ENPP6: variants seen among roughly 807,000 people sequenced by gnomAD.
ENPP6 encodes glycerophosphocholine cholinephosphodiesterase ENPP6.
In ENPP6, 32 loss-of-function variants were observed where a neutral mutation model predicts 42.0. That is an observed-to-expected ratio of 0.76 (90% CI 0.58 to 1.02). The LOEUF (loss-of-function observed/expected upper bound fraction) is 1.02, where lower values mean the gene tolerates loss of function less well. Ranked by LOEUF, ENPP6 falls within the 50% of genes least tolerant of loss-of-function variation. ENPP6 has a pLI of 0.00. For missense variants in ENPP6, 552 were observed against 566.8 expected (o/e 0.97, Z 0.27); for synonymous variants, 213 against 216.0 (o/e 0.99, Z 0.12).
At chr4:184,117,437 A>G (rs1736338855) in intron 4 of ENPP6, among the ~76,000 whole-genome samples, 1 of 152,244 alleles carries the variant, frequency 6.6e-6, no homozygotes, top group Non-Finnish European at 1.5e-5. Flanking sequence ...GCAAAAGCGT[A>G]AGGTAGAATC....
intron 6 of ENPP6, among the ~76,000 whole-genome samples, chr4:184,105,015 G>A (rs1236160481): frequency 1.3e-5 from 2 of 152,146 alleles, no homozygotes; most frequent in Non-Finnish European, 2.9e-5. Context: ...GGACAGGGAG[G>A]GATTGGCACA....
In ENPP6 at chr4:184,153,632, G is replaced by GAGGCATTAGGCTGTCTTTGTT; in HGVS notation, c.322_342dup (p.Asn108_Pro114dup). The GAGGCATTAGGCTGTCTTTGTT allele has an allele frequency of 6.2e-7, 1 of 1,614,178 alleles. No individual in the cohort carries two copies. Among genetic ancestry groups the GAGGCATTAGGCTGTCTTTGTT allele is most frequent in the Non-Finnish European group, 8.5e-7 (1 of 1,180,036 alleles). On this transcript the variant is annotated inframe_insertion, in exon 2 of 8. Transcript: ENST00000296741. ...AGAGGTTCTGATCCATTCCACCAGA[G>GAGGCATTAGGCTGTCTTTGTT]AGGCATTAGGCTGTCTTTGTTGACG...
At chr4:184,133,161 TCACACACA>T (rs66979248) in intron 2 of ENPP6, among the ~76,000 whole-genome samples, 5 of 139,850 alleles carry the variant, frequency 3.6e-5, no homozygotes, top group African/African-American at 5.5e-5. Context: ...ACCTGTCAAT[TCACACACA>T]CACACACACA....
intron 5 of ENPP6, among the ~76,000 whole-genome samples, chr4:184,113,127 C>T (rs1039820741): frequency 3.9e-5 from 6 of 152,040 alleles, no homozygotes; most frequent in Non-Finnish European, 8.8e-5. Flanking sequence ...CCCAAATGCC[C>T]AGCAATAGTG....
intron 1 of ENPP6, among the ~76,000 whole-genome samples, chr4:184,167,629 T>C (rs1034852996): frequency 2.0e-5 from 3 of 152,174 alleles, no homozygotes; most frequent in African/African-American, 7.2e-5. Flanking sequence ...GGAAGCAAGC[T>C]CATTTTTGCT....
At chr4:184,131,218 T>C (rs867851474) in intron 2 of ENPP6, among the ~76,000 whole-genome samples, 5,971 of 69,878 alleles carry the variant, frequency 0.085, 509 homozygotes, top group Non-Finnish European at 0.1. Flanking sequence ...CTTTCTTTCT[T>C]TTTCTTTCTT....
rs1300326146 is a variant in ENPP6 at position 184,112,705 on chromosome 4, A to G, written c.960T>C (p.Thr320=). 6.2e-7 allele frequency: 1 copy of G among 1,614,040 alleles called. No individual in the cohort carries two copies. The highest frequency in any genetic ancestry group is 8.5e-7 in the Non-Finnish European group (1 of 1,180,032). Residue 320 remains threonine, a synonymous_variant, in exon 6 of 8, where the codon ACT becomes ACC. Coordinates refer to ENST00000296741, the MANE Select transcript of ENPP6 (RefSeq NM_153343.4). ...TGAACCAGCCTTCATCAGCCACTAA[A>G]GTCAAAGGAGAGACAAACTTTCCTT... is the stretch of plus-strand genomic sequence containing the variant. ...YKKGKFVSPL[T]LVADEGWFIT...
chr4:184,148,148 C>T (rs1271851955), intron 2 of ENPP6, among the ~76,000 whole-genome samples: 5 of 152,158 alleles, frequency 3.3e-5, no homozygotes, highest in Non-Finnish European at 7.4e-5. Context: ...ATCTCCTTCA[C>T]TGGATGGTAA....
At chr4:184,153,879 G>A (rs1253216999) in intron 1 of ENPP6, 146 bp from the exon 2 acceptor site, 4 of 929,302 alleles carry the variant, frequency 4.3e-6, no homozygotes, top group African/African-American at 4.3e-5. Context: ...AAAAAAATCA[G>A]ATTTTTTTTT....
chr4:184,197,521 C>A (rs1293782509), intron 1 of ENPP6, among the ~76,000 whole-genome samples: 1 of 152,190 alleles, frequency 6.6e-6, no homozygotes, highest in Non-Finnish European at 1.5e-5. Context: ...AGATGCTGGC[C>A]CCGGCTTGGA....
chr4:184,144,227 G>C (rs1166944972), intron 2 of ENPP6, among the ~76,000 whole-genome samples: 1 of 152,192 alleles, frequency 6.6e-6, no homozygotes, highest in Non-Finnish European at 1.5e-5. Flanking sequence ...TTTAATATGT[G>C]GGTACCTACC....
At chr4:184,172,932 G>A (rs1421592343) in intron 1 of ENPP6, among the ~76,000 whole-genome samples, 1 of 152,080 alleles carries the variant, frequency 6.6e-6, no homozygotes, top group African/African-American at 2.4e-5. Context: ...TGTTTTAATT[G>A]AGATGAAGTC....
chr4:184,169,928 A>G (rs1376549156), intron 1 of ENPP6, among the ~76,000 whole-genome samples: 1 of 152,250 alleles, frequency 6.6e-6, no homozygotes, highest in Non-Finnish European at 1.5e-5. Context: ...CCCACACTGG[A>G]ATATTTTTAA....
chr4:184,180,071 A>T (rs1302721544), intron 1 of ENPP6, among the ~76,000 whole-genome samples: 2 of 142,004 alleles, frequency 1.4e-5, no homozygotes, highest in East Asian at 4.3e-4. Flanking sequence ...CAAAAAATCA[A>T]CGAATCCAGG....
intron 1 of ENPP6, among the ~76,000 whole-genome samples, chr4:184,169,406 G>A (rs1411161899): frequency 6.6e-6 from 1 of 152,174 alleles, no homozygotes; most frequent in Admixed American, 6.5e-5. Context: ...AGCCAGGGCC[G>A]CGGGGAGGGC....
chr4:184,208,930 T>C (rs1579668461), intron 1 of ENPP6, among the ~76,000 whole-genome samples: 1 of 144,270 alleles, frequency 6.9e-6, no homozygotes, highest in African/African-American at 2.6e-5. Context: ...CCCTGACCCC[T>C]GACCCCCGAG....
Position 184,091,170 on chromosome 4 carries a change from T to C in ENPP6, c.*7A>G, listed in dbSNP as rs2111323717. The C allele has an allele frequency of 1.3e-6, 2 of 1,515,334 alleles. No homozygotes were observed. Among genetic ancestry groups the C allele is most frequent in the Non-Finnish European group, 1.8e-6 (2 of 1,131,730 alleles). 93.9% of individuals were successfully genotyped at this position (1,515,334 alleles called of 1,614,324 possible). A position where few individuals can be genotyped will look rare whatever the true frequency, so the allele number is the denominator to read the frequency against. ...GTGTTTTTTTCTGAGACAAGCAATA[T>C]GATCAGTTATGCAAGCAGGAAGAGA... On this transcript the variant is annotated 3_prime_UTR_variant, in exon 8 of 8. Coordinates refer to ENST00000296741, the MANE Select transcript of ENPP6 (RefSeq NM_153343.4).
In ENPP6 at chr4:184,091,186, C is replaced by G. The variant is rs530956580; in HGVS notation, c.1314G>C (p.Leu438=). The change falls in exon 8 of 8, where the codon CTG becomes CTC. Residue 438 remains leucine, a synonymous_variant. Transcript: ENST00000296741. ...CAAGCAATATGATCAGTTATGCAAG[C>G]AGGAAGAGAAGAATCAGTGCCAGGG... The part of the protein sequence containing the change: ...HCALALILLF[L]LA 3.2e-6 allele frequency: 5 copies of G among 1,555,160 alleles called. No homozygotes were observed. The African/African-American group carries it at 4.1e-5, about 13-fold the overall frequency.
At chr4:184,155,533 T>C (rs1049072119) in intron 1 of ENPP6, among the ~76,000 whole-genome samples, 3 of 152,184 alleles carry the variant, frequency 2.0e-5, no homozygotes, top group African/African-American at 7.2e-5. Context: ...GGAAGCATCA[T>C]TCCTGAGGTC....
Sources: allele counts gnomAD v4.1 joint callset (sites outside exome capture counted in the v4.1 genomes callset), GRCh38; gene constraint gnomAD v4.1.1; transcripts MANE v1.5; gene names NCBI Gene and HGNC (gene_info 2026-07-23, HGNC 2026-07-21).